R3HDM2: variants seen among roughly 807,000 people sequenced by gnomAD.
The protein encoded by R3HDM2 is R3H domain containing 2, also known as R3H domain-containing protein 2.
In R3HDM2, 38 loss-of-function variants were observed where a neutral mutation model predicts 124.5. The observed-to-expected ratio is 0.31, with a 90% confidence interval of 0.24 to 0.40. The LOEUF (loss-of-function observed/expected upper bound fraction) is 0.40. R3HDM2 is among the 10% of genes least tolerant of loss of function. R3HDM2 has a pLI of 1.00. For missense variants in R3HDM2, 869 were observed against 1,236.9 expected (o/e 0.70, Z 4.46); for synonymous variants, 391 against 448.0 (o/e 0.87, Z 1.61).
chr12:57,265,257 C>T (rs966360185), intron 19 of R3HDM2, among the ~76,000 whole-genome samples: 1 of 152,148 alleles, frequency 6.6e-6, no homozygotes, highest in Non-Finnish European at 1.5e-5. Flanking sequence ...TTAGGCAAGT[C>T]ATTTAATTTC....
At position 57,335,194 on chromosome 12, in the gene R3HDM2, C is replaced by T. The variant is rs548579986; in HGVS notation, c.-35-24731G>A. Among the ~76,000 whole-genome samples the T allele has an allele frequency of 5.3e-5, 8 of 151,632 alleles. No homozygotes were observed. In the South Asian group the frequency reaches 1.5e-3, roughly 28 times the overall value. On this transcript the variant is annotated intron_variant, in intron 2 of 23. Transcript: ENST00000402412. ...ATATATATAATTTAGTACTGCTGATCTGTGTCAATCTCCCATACTTTTTAT... is the reference window on the plus strand; with the variant it reads ...ATATATATAATTTAGTACTGCTGATTTGTGTCAATCTCCCATACTTTTTAT...
At chr12:57,395,938 C>T (rs757647801) in intron 1 of R3HDM2, 120 bp from the exon 2 acceptor site, 24 of 296,140 alleles carry the variant, frequency 8.1e-5, no homozygotes, top group Non-Finnish European at 1.2e-4. Context: ...ATTTCTTCAG[C>T]TCACAATGTT....
At chr12:57,364,765 C>T (rs564148378) in intron 2 of R3HDM2, among the ~76,000 whole-genome samples, 1 of 150,460 alleles carries the variant, frequency 6.6e-6, no homozygotes, top group Non-Finnish European at 1.5e-5. Flanking sequence ...CCATCCTGGC[C>T]AACATAGTGA....
Position 57,295,498 on chromosome 12 carries a change from C to T in R3HDM2, c.711G>A (p.Gln237=). Residue 237 remains glutamine, a synonymous_variant, in exon 10 of 24, where the codon CAG becomes CAA. Coordinates refer to ENST00000402412, the MANE Select transcript of R3HDM2 (RefSeq NM_001394031.1). ...CATCCTTTATATGTTCTGAGAACCT[C>T]TGTTCAGGGCTGAGATTTGGAGAGA... The part of the protein sequence containing the change: ...NKTSNTRIPE[Q]RFSEHIKDEK... 1 of 1,549,916 alleles carries T rather than the reference C, an allele frequency of 6.5e-7. No individual in the cohort carries two copies. Among genetic ancestry groups the T allele is most frequent in the Non-Finnish European group, 8.7e-7 (1 of 1,145,514 alleles).
chr12:57,320,839 G>A (rs2056334204), intron 2 of R3HDM2, among the ~76,000 whole-genome samples: 1 of 152,142 alleles, frequency 6.6e-6, no homozygotes, highest in East Asian at 1.9e-4. Context: ...GATATTCAGA[G>A]ACAGAAGAAT....
chr12:57,340,365 T>G (rs887351205), intron 2 of R3HDM2, among the ~76,000 whole-genome samples: 2 of 152,150 alleles, frequency 1.3e-5, no homozygotes, highest in African/African-American at 4.8e-5. Context: ...ATCCACAAAT[T>G]TGCTGCAATA....
intron 2 of R3HDM2, among the ~76,000 whole-genome samples, chr12:57,367,064 G>C (rs970427310): frequency 3.3e-5 from 5 of 152,162 alleles, no homozygotes; most frequent in African/African-American, 1.2e-4. Context: ...TATTAGGCTA[G>C]TCTTTGACAG....
chr12:57,391,405 A>C (rs1028275481), intron 2 of R3HDM2, among the ~76,000 whole-genome samples: 2 of 152,342 alleles, frequency 1.3e-5, no homozygotes, highest in Non-Finnish European at 2.9e-5. Context: ...ATGTTTTTGA[A>C]ATAACAATAT....
At chr12:57,367,653 T>A (rs1594024512) in intron 2 of R3HDM2, among the ~76,000 whole-genome samples, 1 of 152,338 alleles carries the variant, frequency 6.6e-6, no homozygotes, top group East Asian at 1.9e-4. Context: ...CAAACTTCTT[T>A]CTTTTCTCTC....
At chr12:57,263,602 G>A (rs982246091) in intron 19 of R3HDM2, among the ~76,000 whole-genome samples, 1 of 152,134 alleles carries the variant, frequency 6.6e-6, no homozygotes, top group African/African-American at 2.4e-5. Context: ...CCAAGTAGCT[G>A]GGATTACAGA....
intron 2 of R3HDM2, among the ~76,000 whole-genome samples, chr12:57,344,035 A>G (rs2059858916): frequency 6.6e-6 from 1 of 152,224 alleles, no homozygotes; most frequent in South Asian, 2.1e-4. Flanking sequence ...ACAATCACCT[A>G]GATACATATA....
At chr12:57,404,189 C>T (rs1199385052) in intron 1 of R3HDM2, among the ~76,000 whole-genome samples, 1 of 150,344 alleles carries the variant, frequency 6.7e-6, no homozygotes, top group East Asian at 2.0e-4. Context: ...CTCATCCTCC[C>T]GAGTAGCTGC....
At chr12:57,327,163 A>G (rs1053810591) in intron 2 of R3HDM2, among the ~76,000 whole-genome samples, 1 of 152,138 alleles carries the variant, frequency 6.6e-6, no homozygotes, top group East Asian at 1.9e-4. Flanking sequence ...AAGTCTTATT[A>G]TTTAAGAAAT....
intron 2 of R3HDM2, among the ~76,000 whole-genome samples, chr12:57,376,894 T>C (rs2064133120): frequency 6.6e-6 from 1 of 151,608 alleles, no homozygotes; most frequent in African/African-American, 2.4e-5. Context: ...GCGGTTGCAA[T>C]GAGCCGAGAT....
intron 19 of R3HDM2, among the ~76,000 whole-genome samples, chr12:57,265,236 G>A (rs2042037370): frequency 6.6e-6 from 1 of 152,160 alleles, no homozygotes; most frequent in African/African-American, 2.4e-5. Context: ...TCAAGTTAGA[G>A]GATTGTGACT....
chr12:57,393,499 A>G (rs944047313), intron 2 of R3HDM2, among the ~76,000 whole-genome samples: 1 of 152,214 alleles, frequency 6.6e-6, no homozygotes, highest in African/African-American at 2.4e-5. Flanking sequence ...AAAATAAAAC[A>G]AAATAACATA....
chr12:57,280,637 AT>A, intron 13 of R3HDM2, 107 bp from the exon 14 acceptor site: 1 of 1,045,124 alleles, frequency 9.6e-7, no homozygotes, highest in Non-Finnish European at 1.3e-6. Context: ...TTTCCTCTTT[AT>A]TCCCTTTTGT....
chr12:57,355,001 G>T (rs2061101696), intron 2 of R3HDM2, among the ~76,000 whole-genome samples: 1 of 151,346 alleles, frequency 6.6e-6, no homozygotes, highest in Admixed American at 6.6e-5. Context: ...GTTTTGTTTT[G>T]TTTGTTTGTT....
intron 2 of R3HDM2, among the ~76,000 whole-genome samples, chr12:57,382,434 A>G (rs1383856815): frequency 2.0e-5 from 3 of 149,612 alleles, no homozygotes; most frequent in Non-Finnish European, 4.5e-5. Context: ...TTTAGTATAG[A>G]CAGGGTTTCA....
Sources: gnomAD v4.1 joint callset for allele counts (sites outside exome capture counted in the v4.1 genomes callset) on GRCh38, gnomAD v4.1.1 for gene constraint, MANE v1.5 for transcripts, NCBI Gene and HGNC (gene_info 2026-07-23, HGNC 2026-07-21) for gene names.